Variants in DOCK4 observed in about 807,000 individuals in gnomAD.
DOCK4 encodes the protein dedicator of cytokinesis protein 4.
Under a neutral mutation model 268.1 loss-of-function variants are expected in DOCK4, and 97 were observed. The ratio of observed to expected loss-of-function variants is 0.36; its 90% CI spans 0.31 to 0.43. The LOEUF (loss-of-function observed/expected upper bound fraction) is 0.43, where lower values mean the gene tolerates loss of function less well. Among genes scored for constraint, DOCK4 ranks in the 20% least tolerant of loss-of-function variants. DOCK4 has a pLI of 1.00. For missense variants in DOCK4, 2,145 were observed against 2,455.7 expected (o/e 0.87, Z 2.67); for synonymous variants, 954 against 887.2 (o/e 1.08, Z -1.34).
chr7:111,869,136 G>A (rs1418700718), intron 21 of DOCK4, among the ~76,000 whole-genome samples: 6 of 152,112 alleles, frequency 3.9e-5, no homozygotes, highest in African/African-American at 7.2e-5. Context: ...CACAAGACCC[G>A]GTAAAGCCTC....
At chr7:111,998,891 T>TA (rs1800190160) in intron 3 of DOCK4, among the ~76,000 whole-genome samples, 1 of 151,498 alleles carries the variant, frequency 6.6e-6, no homozygotes, top group African/African-American at 2.4e-5. Flanking sequence ...GTAGTTCCTT[T>TA]TTTTCTCCCC....
chr7:111,892,766 A>G (rs1337965594), intron 16 of DOCK4, among the ~76,000 whole-genome samples: 3 of 152,198 alleles, frequency 2.0e-5, no homozygotes, highest in Non-Finnish European at 4.4e-5. Flanking sequence ...TGCTGGTAAT[A>G]TGGTTTCATA....
intron 12 of DOCK4, among the ~76,000 whole-genome samples, chr7:111,924,808 G>A (rs1347841674): frequency 1.3e-5 from 2 of 152,004 alleles, no homozygotes; most frequent in African/African-American, 4.8e-5. Context: ...AAGAAAATAC[G>A]ATTTTCATCA....
chr7:112,062,098 A>C (rs1451652036), intron 1 of DOCK4, among the ~76,000 whole-genome samples: 1 of 152,188 alleles, frequency 6.6e-6, no homozygotes, highest in Non-Finnish European at 1.5e-5. Context: ...ACTCCAAAGT[A>C]TGTTTTTTCA....
At chr7:111,905,361 C>A (rs1461470257) in intron 13 of DOCK4, among the ~76,000 whole-genome samples, 2 of 152,172 alleles carry the variant, frequency 1.3e-5, no homozygotes, top group Non-Finnish European at 2.9e-5. Context: ...TTGATGTGCA[C>A]CACACTTTCT....
intron 21 of DOCK4, among the ~76,000 whole-genome samples, chr7:111,868,891 T>C (rs1241874093): frequency 1.3e-5 from 2 of 152,120 alleles, no homozygotes; most frequent in African/African-American, 4.8e-5. Context: ...TCAGCCCAAA[T>C]TACAAATGAA....
intron 49 of DOCK4, among the ~76,000 whole-genome samples, chr7:111,737,758 G>A (rs1347379501): frequency 6.6e-6 from 1 of 152,152 alleles, no homozygotes; most frequent in Non-Finnish European, 1.5e-5. Context: ...AAACTTGGGA[G>A]GCTAATCAGA....
chr7:112,096,298 C>T (rs1174378996), intron 1 of DOCK4, among the ~76,000 whole-genome samples: 1 of 152,138 alleles, frequency 6.6e-6, no homozygotes, highest in East Asian at 1.9e-4. Flanking sequence ...ACCTGTGTAT[C>T]TGGAATGACA....
intron 1 of DOCK4, among the ~76,000 whole-genome samples, chr7:112,121,954 T>G (rs1455717172): frequency 6.6e-6 from 1 of 152,334 alleles, no homozygotes; most frequent in African/African-American, 2.4e-5. Flanking sequence ...ATTTCTCCAG[T>G]CACTTCTATA....
intron 36 of DOCK4, among the ~76,000 whole-genome samples, chr7:111,771,625 T>C (rs1798131212): frequency 6.6e-6 from 1 of 152,206 alleles, no homozygotes; most frequent in Non-Finnish European, 1.5e-5. Flanking sequence ...AACAGGCATC[T>C]AGTTTTCTCT....
intron 45 of DOCK4, 105 bp downstream of exon 45, chr7:111,741,908 T>C (rs1375570572): frequency 1.4e-6 from 2 of 1,428,344 alleles, no homozygotes; most frequent in Non-Finnish European, 1.9e-6. Flanking sequence ...CAGTGCAGTT[T>C]GGTAGAAAAA....
At chr7:111,762,334 T>A (rs1254525743) in intron 39 of DOCK4, among the ~76,000 whole-genome samples, 4 of 152,210 alleles carry the variant, frequency 2.6e-5, no homozygotes, top group Admixed American at 2.6e-4. Flanking sequence ...CTTTTCATCA[T>A]GTCAAAAAGA....
chr7:111,914,745 T>A (rs1327989173), intron 13 of DOCK4, among the ~76,000 whole-genome samples: 2 of 152,198 alleles, frequency 1.3e-5, no homozygotes, highest in African/African-American at 2.4e-5. Context: ...CTACACTGGT[T>A]TTCACCTGAG....
intron 6 of DOCK4, among the ~76,000 whole-genome samples, chr7:111,988,441 T>C (rs1031781752): frequency 3.3e-5 from 5 of 152,324 alleles, no homozygotes; most frequent in Non-Finnish European, 5.9e-5. Flanking sequence ...TAGTCACTTA[T>C]GGTTTTGTTT....
intron 1 of DOCK4, among the ~76,000 whole-genome samples, chr7:112,162,531 CT>C (rs1162852083): frequency 2.0e-5 from 3 of 151,832 alleles, no homozygotes; most frequent in African/African-American, 7.3e-5. Flanking sequence ...CTCTCTCTCT[CT>C]CTCTCCCCCC....
At chr7:111,857,588 C>T (rs539235840) in intron 23 of DOCK4, among the ~76,000 whole-genome samples, 2 of 152,188 alleles carry the variant, frequency 1.3e-5, no homozygotes, top group South Asian at 2.1e-4. Context: ...TATTTTTTAG[C>T]AAGAAAATAG....
intron 1 of DOCK4, among the ~76,000 whole-genome samples, chr7:112,138,311 G>T (rs929784021): frequency 1.3e-5 from 2 of 152,016 alleles, no homozygotes; most frequent in Non-Finnish European, 1.5e-5. Context: ...GTCACACCTG[G>T]CTACTGAAGT....
chr7:111,785,467 A>G (rs144890059), intron 32 of DOCK4, among the ~76,000 whole-genome samples: 3 of 152,330 alleles, frequency 2.0e-5, no homozygotes, highest in East Asian at 3.9e-4. Flanking sequence ...TTTTATGGGC[A>G]TAAGTTTCAT....
intron 4 of DOCK4, among the ~76,000 whole-genome samples, chr7:111,997,262 A>G (rs944498431): frequency 6.6e-6 from 1 of 152,240 alleles, no homozygotes; most frequent in African/African-American, 2.4e-5. Flanking sequence ...ATAGCTGCAC[A>G]CTTCCAAAGG....
Sources: gnomAD v4.1 joint callset for allele counts (sites outside exome capture counted in the v4.1 genomes callset) on GRCh38, gnomAD v4.1.1 for gene constraint, MANE v1.5 for transcripts, NCBI Gene and HGNC (gene_info 2026-07-23, HGNC 2026-07-21) for gene names.